The following SLC17A1 variants were observed in gnomAD, a reference collection of about 807,000 sequenced individuals.
The protein encoded by SLC17A1 is solute carrier family 17 member 1.
A neutral mutation model predicts 53.5 loss-of-function variants in SLC17A1; 51 were observed. The ratio of observed to expected loss-of-function variants is 0.95; its 90% CI spans 0.76 to 1.20. The LOEUF (loss-of-function observed/expected upper bound fraction) is 1.20. SLC17A1 is among the 50% of genes most tolerant of loss of function. SLC17A1 has a pLI of 0.00. For missense variants in SLC17A1, 538 were observed against 568.2 expected (o/e 0.95, Z 0.54); for synonymous variants, 179 against 198.8 (o/e 0.90, Z 0.84).
intron 3 of SLC17A1, among the ~76,000 whole-genome samples, chr6:25,822,969 C>T (rs142652866): frequency 4.1e-4 from 63 of 152,086 alleles, no homozygotes; most frequent in African/African-American, 1.3e-3. Context: ...TCCCTCCTGC[C>T]CTCCCCCACC....
the SLC17A1 span, among the ~76,000 whole-genome samples, chr6:25,752,176 A>G: frequency 6.6e-6 from 1 of 152,246 alleles, no homozygotes; most frequent in Non-Finnish European, 1.5e-5. Context: ...TTGTGTGGAT[A>G]CCATAGAGTG....
At chr6:25,812,634 G>T (rs1764196924) in intron 8 of SLC17A1, among the ~76,000 whole-genome samples, 197 bp downstream of exon 8, 1 of 152,192 alleles carries the variant, frequency 6.6e-6, no homozygotes, top group Non-Finnish European at 1.5e-5. Context: ...TGGAGTGCCA[G>T]ACACTTATGT....
At chr6:25,726,815 G>A in the SLC17A1 span, 7 of 1,411,704 alleles carry the variant, frequency 5.0e-6, no homozygotes, top group African/African-American at 1.4e-5. Flanking sequence ...GAGGTCATTT[G>A]GAGCTGTTTA....
At chr6:25,726,794 G>C in the SLC17A1 span, 6 of 1,331,092 alleles carry the variant, frequency 4.5e-6, no homozygotes, top group Admixed American at 4.6e-5. Context: ...TACTTGGCGA[G>C]ACTTGGAGCT....
At chr6:25,830,991 T>A (rs1190132099) in intron 1 of SLC17A1, among the ~76,000 whole-genome samples, 1 of 152,092 alleles carries the variant, frequency 6.6e-6, no homozygotes, top group Non-Finnish European at 1.5e-5. Context: ...CTCGGCAGTA[T>A]GAAAAGAAAG....
At chr6:25,726,473 A>C in the SLC17A1 span, 1 of 1,613,706 alleles carries the variant, frequency 6.2e-7, no homozygotes, top group Non-Finnish European at 8.5e-7. Flanking sequence ...GCTCTAGAAG[A>C]GCGAGACTTA....
chr6:25,726,844 G>T, the SLC17A1 span: 2 of 1,535,674 alleles, frequency 1.3e-6, no homozygotes, highest in Non-Finnish European at 1.8e-6. Context: ...GAGCTGTTGA[G>T]CACTGGAAAG....
chr6:25,784,508 A>T (rs1763337227), intron 12 of SLC17A1, among the ~76,000 whole-genome samples: 1 of 152,142 alleles, frequency 6.6e-6, no homozygotes, highest in African/African-American at 2.4e-5. Context: ...ACACACTGTT[A>T]TACAACCATA....
downstream of SLC17A1, chr6:25,780,986 C>T (rs1414345247): frequency 2.6e-5 from 4 of 152,206 alleles, no homozygotes; most frequent in Middle Eastern, 3.4e-3. Context: ...AAAATGGACA[C>T]ATGACTCTGG....
At chr6:25,770,232 A>G in the SLC17A1 span, 1 of 1,614,064 alleles carries the variant, frequency 6.2e-7, no homozygotes, top group South Asian at 1.1e-5. Flanking sequence ...GACCCTCTTC[A>G]TTCCACTGGC....
At chr6:25,750,038 C>T in the SLC17A1 span, among the ~76,000 whole-genome samples, 1 of 152,230 alleles carries the variant, frequency 6.6e-6, no homozygotes, top group African/African-American at 2.4e-5. Flanking sequence ...CACAGCCTAA[C>T]TTCTCCTTTC....
chr6:25,775,157 C>A, the SLC17A1 span, among the ~76,000 whole-genome samples: 17 of 151,836 alleles, frequency 1.1e-4, no homozygotes, highest in Non-Finnish European at 2.2e-4. Context: ...TGGTGAACCC[C>A]CTGTCTCTAC....
the SLC17A1 span, chr6:25,726,977 C>A: frequency 6.2e-7 from 1 of 1,613,898 alleles, no homozygotes; most frequent in Admixed American, 1.7e-5. Flanking sequence ...TCGTTAAGAC[C>A]CAGAAAAAGG....
chr6:25,821,399 T>C (rs556923133), intron 3 of SLC17A1, among the ~76,000 whole-genome samples: 19 of 152,316 alleles, frequency 1.2e-4, no homozygotes, highest in African/African-American at 3.6e-4. Context: ...TATAGTAGCC[T>C]GGGTGCCAGG....
the SLC17A1 span, chr6:25,726,487 T>C: frequency 8.1e-6 from 13 of 1,612,766 alleles, no homozygotes; most frequent in African/African-American, 5.3e-5. Context: ...AGACTTAGAC[T>C]TGGCGCGTGC....
downstream of SLC17A1, chr6:25,779,322 A>T (rs1404321809): frequency 1.0e-5 from 13 of 1,262,290 alleles, no homozygotes; most frequent in Non-Finnish European, 1.4e-5. Context: ...AGATTTTACC[A>T]TGCCTGGAAA....
At chr6:25,791,951 T>A (rs1221910199) in intron 12 of SLC17A1, among the ~76,000 whole-genome samples, 1 of 152,194 alleles carries the variant, frequency 6.6e-6, no homozygotes, top group Non-Finnish European at 1.5e-5. Context: ...AGAGTCCATT[T>A]CTCTTTACAG....
chr6:25,812,753 G>A (rs1231540079), intron 8 of SLC17A1, 78 bp downstream of exon 8: 4 of 1,070,452 alleles, frequency 3.7e-6, no homozygotes, highest in Admixed American at 2.5e-5. Context: ...CAAGAGCTGC[G>A]ACTAGGGTCG....
chr6:25,773,449 T>C, the SLC17A1 span: 2 of 1,612,634 alleles, frequency 1.2e-6, no homozygotes, highest in Non-Finnish European at 1.7e-6. Context: ...GTCTGAGAGA[T>C]GAAGAATGTG....
Sources: allele counts gnomAD v4.1 joint callset (sites outside exome capture counted in the v4.1 genomes callset), GRCh38; gene constraint gnomAD v4.1.1; transcripts MANE v1.5; gene names NCBI Gene and HGNC (gene_info 2026-07-23, HGNC 2026-07-21).